The following EPSTI1 variants were observed in gnomAD, a reference collection of about 807,000 sequenced individuals.
The protein encoded by EPSTI1 is epithelial stromal interaction 1.
In EPSTI1, 66 loss-of-function variants were observed where a neutral mutation model predicts 49.9. The observed-to-expected ratio is 1.32, with a 90% CI of 1.08 to 1.62. The LOEUF is 1.62. Ranked by LOEUF, EPSTI1 falls within the 40% of genes most tolerant of loss-of-function variation. The pLI is 0.00. For synonymous variants in EPSTI1, 137 were observed against 130.7 expected, an observed-to-expected ratio of 1.05 and a Z score of -0.33; for missense variants, 394 against 365.5, an observed-to-expected ratio of 1.08 and a Z score of -0.64.
intron 6 of EPSTI1, among the ~76,000 whole-genome samples, chr13:42,947,364 C>T (rs1169597750): frequency 4.6e-5 from 7 of 152,080 alleles, no homozygotes; most frequent in African/African-American, 1.2e-4. Flanking sequence ...AATACACACA[C>T]AAAGCGATGG....
At chr13:42,969,002 T>C (rs945059331) in intron 3 of EPSTI1, 92 bp downstream of exon 3, 245 of 1,195,538 alleles carry the variant, frequency 2.0e-4, no homozygotes, top group Middle Eastern at 7.1e-4. Context: ...CAAACTACAA[T>C]GGACATTCAC....
At chr13:42,945,485 G>A (rs1291852414) in intron 6 of EPSTI1, among the ~76,000 whole-genome samples, 1 of 152,200 alleles carries the variant, frequency 6.6e-6, no homozygotes, top group Non-Finnish European at 1.5e-5. Flanking sequence ...ATGGCCCATG[G>A]TTCCCCACGG....
chr13:42,976,896 A>G (rs1301749796), intron 1 of EPSTI1, among the ~76,000 whole-genome samples: 2 of 152,252 alleles, frequency 1.3e-5, no homozygotes, highest in Admixed American at 6.5e-5. Context: ...AGTTGCAAAC[A>G]TATTTTAAGT....
chr13:42,922,283 G>A lies in EPSTI1; in HGVS notation c.657+4053C>T, dbSNP rs1304700746. Among the ~76,000 whole-genome samples the A allele has an allele frequency of 6.6e-6, 1 of 152,224 alleles. No individual in the cohort carries two copies. Among genetic ancestry groups the A allele is most frequent in the East Asian group, 1.9e-4 (1 of 5,198 alleles). On this transcript the variant is annotated intron_variant, in intron 7 of 10. Coordinates refer to ENST00000313624, the MANE Select transcript of EPSTI1 (RefSeq NM_033255.5). The surrounding 1 kb of genome is among the most constrained non-coding windows in gnomAD (Gnocchi z 4.8). ...GTCCCAATCCCTGGAATCTGTGAAT[G>A]TTTCTTTATGTGACAAAAGGGACTT...
intron 1 of EPSTI1, among the ~76,000 whole-genome samples, chr13:42,974,552 G>A (rs2039840966): frequency 6.6e-6 from 1 of 151,918 alleles, no homozygotes; most frequent in South Asian, 2.1e-4. Context: ...CCAGCTACTT[G>A]GGAGGCTGAG....
At chr13:42,894,675 G>GA (rs61611018) in intron 10 of EPSTI1, among the ~76,000 whole-genome samples, 67 of 138,718 alleles carry the variant, frequency 4.8e-4, no homozygotes, top group African/African-American at 1.5e-3. Flanking sequence ...CCATATTTCT[G>GA]AAAAAAAAAA....
chr13:42,899,382 C>T (rs1228358760), intron 9 of EPSTI1, among the ~76,000 whole-genome samples: 3 of 152,036 alleles, frequency 2.0e-5, no homozygotes, highest in Non-Finnish European at 4.4e-5. Context: ...ATATAATTCA[C>T]ATTTGTAGTT....
chr13:42,966,622 C>A (rs1398828567), intron 3 of EPSTI1, among the ~76,000 whole-genome samples: 1 of 67,504 alleles, frequency 1.5e-5, no homozygotes, highest in African/African-American at 4.6e-5. Context: ...AGCCTCTCCG[C>A]CCGGCAGCCA....
At chr13:42,926,041 A>AAGGAAGGAAGGAAGAAAGGAAGGAAGGT (rs770941534) in intron 7 of EPSTI1, among the ~76,000 whole-genome samples, 1 of 137,904 alleles carries the variant, frequency 7.3e-6, no homozygotes, top group African/African-American at 2.7e-5. Context: ...GGAAGGAAGG[A>AAGGAAGGAAGGAAGAAAGGAAGGAAGGT]AGGAAGGTAG....
intron 5 of EPSTI1, among the ~76,000 whole-genome samples, chr13:42,961,192 A>G (rs1951519142): frequency 6.6e-6 from 1 of 152,150 alleles, no homozygotes. Context: ...TACCTTTTTC[A>G]TTTAGTGCTA....
intron 1 of EPSTI1, among the ~76,000 whole-genome samples, chr13:42,989,567 CTTT>C: frequency 2.5e-5 from 2 of 79,020 alleles, no homozygotes; most frequent in Non-Finnish European, 5.0e-5. Context: ...CCTCTTTTTT[CTTT>C]TTTTTTTTTT....
intron 3 of EPSTI1, 104 bp from the exon 4 acceptor site, chr13:42,964,243 TA>T: frequency 2.5e-6 from 2 of 800,458 alleles, no homozygotes; most frequent in Non-Finnish European, 1.9e-6. Flanking sequence ...TGAGTTCCCT[TA>T]ACATTCTCAT....
intron 6 of EPSTI1, among the ~76,000 whole-genome samples, chr13:42,932,419 C>T (rs2038407395): frequency 6.6e-6 from 1 of 152,174 alleles, no homozygotes. Context: ...TCTCACCTAT[C>T]ACTCAATATG....
chr13:42,897,263 C>T (rs987193613), intron 9 of EPSTI1, among the ~76,000 whole-genome samples: 10 of 152,174 alleles, frequency 6.6e-5, no homozygotes, highest in Non-Finnish European at 1.5e-4. Flanking sequence ...TTGGATGTCA[C>T]CTCTGCAGTG....
intron 6 of EPSTI1, among the ~76,000 whole-genome samples, chr13:42,948,159 G>T (rs1472200690): frequency 6.6e-6 from 1 of 152,274 alleles, no homozygotes; most frequent in South Asian, 2.1e-4. Context: ...GCCAGGCAGG[G>T]TTAGGCCGGG....
chr13:42,890,440 G>A (rs964349914), intron 10 of EPSTI1, among the ~76,000 whole-genome samples: 5 of 151,854 alleles, frequency 3.3e-5, no homozygotes, highest in Non-Finnish European at 5.9e-5. Flanking sequence ...TGGGACTACA[G>A]GAGCCCGCCA....
Position 42,925,449 on chromosome 13 carries a change from G to A in EPSTI1, c.657+887C>T, listed in dbSNP as rs1267718711. ...TGTCTCATTGGTAAGCACTGTGTGG[G>A]GGCATTTCTAGATGTCTCAGTGTCT... On this transcript the variant is annotated intron_variant, in intron 7 of 10. Transcript: ENST00000313624. Among the ~76,000 whole-genome samples the A allele has an allele frequency of 5.9e-5, 9 of 152,012 alleles. No homozygotes were observed. The East Asian group carries it at 1.7e-3, about 29-fold the overall frequency.
intron 8 of EPSTI1, among the ~76,000 whole-genome samples, chr13:42,907,951 G>A (rs2037545744): frequency 6.6e-6 from 1 of 152,150 alleles, no homozygotes; most frequent in African/African-American, 2.4e-5. Flanking sequence ...CACACATGCA[G>A]AGCCAACTGA....
Position 42,964,164 on chromosome 13 carries a change from G to GTGA in EPSTI1, c.332-28_332-26dup, listed in dbSNP as rs776396859. 3 of 1,598,290 alleles carry GTGA rather than the reference G, an allele frequency of 1.9e-6. No homozygotes were observed. In the African/African-American group the frequency reaches 4.0e-5, roughly 21 times the overall value. ...CCTTAGGAAAAAAAAATCCATGAAG[G>GTGA]TGAAACATAAATATTAAGCTGAAAT... On this transcript the variant is annotated intron_variant, in intron 3 of 10. Transcript: ENST00000313624.
Sources: allele counts gnomAD v4.1 joint callset (sites outside exome capture counted in the v4.1 genomes callset), GRCh38; gene constraint gnomAD v4.1.1; non-coding constraint Gnocchi (gnomAD v3.1); transcripts MANE v1.5; gene names NCBI Gene and HGNC (gene_info 2026-07-23, HGNC 2026-07-21).